The following CAPN3 variants were observed in gnomAD, a reference collection of about 807,000 sequenced individuals.
CAPN3 encodes calpain 3, also known as calpain-3.
In CAPN3, 88 loss-of-function variants were observed where a neutral mutation model predicts 114.0. The ratio of observed to expected loss-of-function variants is 0.77; its 90% CI spans 0.65 to 0.92. The LOEUF (loss-of-function observed/expected upper bound fraction) is 0.92. Among genes scored for constraint, CAPN3 ranks in the 40% least tolerant of loss-of-function variants. The pLI is 0.00. For synonymous variants in CAPN3, 386 were observed against 382.9 expected (o/e 1.01, Z -0.09); for missense variants, 1,028 against 1,069.0 (o/e 0.96, Z 0.53).
intron 12 of CAPN3, 178 bp from the exon 13 acceptor site, chr15:42,402,616 A>G (rs2053904091): frequency 1.3e-6 from 2 of 1,520,524 alleles, no homozygotes; most frequent in Non-Finnish European, 8.8e-7. Flanking sequence ...ATCACAACAG[A>G]AAAGGAAGAG....
intron 1 of CAPN3, among the ~76,000 whole-genome samples, chr15:42,365,120 T>C (rs1021245289): frequency 6.6e-6 from 1 of 152,162 alleles, no homozygotes; most frequent in Admixed American, 6.5e-5. Context: ...GAGTCACCTT[T>C]CTGTAAATTC....
intron 1 of CAPN3, among the ~76,000 whole-genome samples, chr15:42,372,282 C>G (rs147184467): frequency 0.052 from 7,982 of 152,140 alleles, 644 homozygotes; most frequent in African/African-American, 0.17. Flanking sequence ...GCCTCAGCCT[C>G]CCAAGTAGCT....
At chr15:42,386,977 G>A (rs2053423120) in intron 3 of CAPN3, among the ~76,000 whole-genome samples, 1 of 152,124 alleles carries the variant, frequency 6.6e-6, no homozygotes, top group Non-Finnish European at 1.5e-5. Flanking sequence ...CACATTATCA[G>A]TTCTTGCTCC....
At chr15:42,404,647 G>C in intron 14 of CAPN3, 5 of 1,161,380 alleles carry the variant, frequency 4.3e-6, no homozygotes, top group Non-Finnish European at 5.5e-6. Flanking sequence ...TGTGTGTTGA[G>C]GAGTCTTGTG....
At chr15:42,384,617 C>T in intron 2 of CAPN3, 65 bp downstream of exon 2, 2 of 1,203,798 alleles carry the variant, frequency 1.7e-6, no homozygotes, top group Non-Finnish European at 1.2e-6. Flanking sequence ...GTGTGATCCC[C>T]TTCCAGGAGG....
Position 42,411,915 on chromosome 15 carries a change from C to A in CAPN3, c.*142C>A. 6.4e-7 allele frequency: 1 copy of A among 1,559,098 alleles called. No individual in the cohort carries two copies. Among genetic ancestry groups the A allele is most frequent in the South Asian group, 1.2e-5 (1 of 84,652 alleles). On this transcript the variant is annotated 3_prime_UTR_variant, in exon 24 of 24. Transcript: ENST00000397163. ...GCACCTCATCAGTCATGCTCCTCCTCCATTTTACCCCCTACCCATCCTTGA... is the reference window on the plus strand; with the variant it reads ...GCACCTCATCAGTCATGCTCCTCCTACATTTTACCCCCTACCCATCCTTGA...
In CAPN3 at chr15:42,389,114, G is replaced by A. The variant is rs1418293954; in HGVS notation, c.801+18G>A. The A allele has an allele frequency of 1.2e-6, 2 of 1,613,202 alleles. No homozygotes were observed. The highest frequency in any genetic ancestry group is 1.7e-6 in the Non-Finnish European group (2 of 1,179,468). ...CCATTGATGTAAGTCTGGGGTGTGG[G>A]GCACAGGGTGGGGAGCTCCAAGTGT... On this transcript the variant is annotated intron_variant, in intron 5 of 23. Coordinates refer to ENST00000397163, the MANE Select transcript of CAPN3 (RefSeq NM_000070.3).
intron 8 of CAPN3, among the ~76,000 whole-genome samples, chr15:42,394,991 G>A (rs1451282452): frequency 6.6e-6 from 1 of 152,136 alleles, no homozygotes; most frequent in African/African-American, 2.4e-5. Context: ...AGCCATAAGC[G>A]CCTCTTATTT....
chr15:42,390,205 A>C, intron 6 of CAPN3, 109 bp downstream of exon 6: 1 of 1,215,036 alleles, frequency 8.2e-7, no homozygotes, highest in Non-Finnish European at 1.2e-6. Flanking sequence ...ACACACCCCC[A>C]CCTGGCACCT....
chr15:42,380,060 A>G (rs2053195564), intron 1 of CAPN3, among the ~76,000 whole-genome samples: 1 of 152,154 alleles, frequency 6.6e-6, no homozygotes, highest in African/African-American at 2.4e-5. Flanking sequence ...AGACTGTGCC[A>G]TTGCATTCCA....
At chr15:42,375,880 C>T (rs2053077101) in intron 1 of CAPN3, among the ~76,000 whole-genome samples, 1 of 152,122 alleles carries the variant, frequency 6.6e-6, no homozygotes, top group Non-Finnish European at 1.5e-5. Flanking sequence ...TTCCAAGATC[C>T]CACCCAAGAT....
chr15:42,360,358 T>G (rs1261990123), intron 1 of CAPN3, among the ~76,000 whole-genome samples: 1 of 150,388 alleles, frequency 6.6e-6, no homozygotes, highest in African/African-American at 2.5e-5. Context: ...GCTCTGGCTC[T>G]TTCTCTCTGA....
At chr15:42,377,947 C>T (rs2053133730) in intron 1 of CAPN3, among the ~76,000 whole-genome samples, 1 of 152,164 alleles carries the variant, frequency 6.6e-6, no homozygotes, top group African/African-American at 2.4e-5. Context: ...AATTTGTGAG[C>T]ATGGAGCTGT....
At chr15:42,370,516 A>C (rs957403188) in intron 1 of CAPN3, among the ~76,000 whole-genome samples, 6 of 152,184 alleles carry the variant, frequency 3.9e-5, no homozygotes, top group African/African-American at 1.4e-4. Flanking sequence ...TGGCTCAGCG[A>C]GTGGTCTGCT....
intron 15 of CAPN3, among the ~76,000 whole-genome samples, chr15:42,406,685 C>A (rs1201064177): frequency 6.6e-6 from 1 of 152,162 alleles, no homozygotes. Flanking sequence ...TGCCCTCTTT[C>A]TCTGATGCCA....
At chr15:42,398,871 G>A (rs543152284) in intron 9 of CAPN3, among the ~76,000 whole-genome samples, 87 of 130,662 alleles carry the variant, frequency 6.7e-4, no homozygotes, top group South Asian at 1.4e-3. Context: ...TGCAACCTCC[G>A]CCTCCTGGGT....
intron 1 of CAPN3, among the ~76,000 whole-genome samples, chr15:42,362,547 G>C (rs1322671723): frequency 1.3e-5 from 2 of 152,122 alleles, no homozygotes; most frequent in Non-Finnish European, 1.5e-5. Context: ...GATAACAAAG[G>C]CCACTCTTGG....
At chr15:42,403,428 C>T (rs1219910708) in intron 13 of CAPN3, among the ~76,000 whole-genome samples, 1 of 152,128 alleles carries the variant, frequency 6.6e-6, no homozygotes, top group Admixed American at 6.5e-5. Context: ...TGTCCCTGGC[C>T]ACCACAGATG....
intron 6 of CAPN3, among the ~76,000 whole-genome samples, chr15:42,392,386 C>G (rs1323774072): frequency 6.6e-6 from 1 of 152,104 alleles, no homozygotes; most frequent in African/African-American, 2.4e-5. Context: ...CACCCCACAT[C>G]CCAGCATCCA....
Sources: allele counts gnomAD v4.1 joint callset (sites outside exome capture counted in the v4.1 genomes callset), GRCh38; gene constraint gnomAD v4.1.1; transcripts MANE v1.5; gene names NCBI Gene and HGNC (gene_info 2026-07-23, HGNC 2026-07-21).